RSRC1: variants seen among roughly 807,000 people sequenced by gnomAD.
The protein encoded by RSRC1 is arginine and serine rich coiled-coil 1, also known as serine/Arginine-related protein 53.
A neutral mutation model predicts 49.1 loss-of-function variants in RSRC1; 39 were observed. The observed-to-expected ratio is 0.79, with a 90% CI of 0.61 to 1.04. RSRC1 has a LOEUF of 1.04. Ranked by LOEUF, RSRC1 falls within the 50% of genes least tolerant of loss-of-function variation. RSRC1 has a pLI of 0.00. For synonymous variants in RSRC1, 143 were observed against 130.8 expected, an observed-to-expected ratio of 1.09 and a Z score of -0.63; for missense variants, 388 against 402.4, an observed-to-expected ratio of 0.96 and a Z score of 0.31.
At chr3:158,478,813 A>G (rs760352717) in intron 7 of RSRC1, among the ~76,000 whole-genome samples, 4 of 151,986 alleles carry the variant, frequency 2.6e-5, no homozygotes, top group Admixed American at 1.3e-4. Flanking sequence ...TCTTTTCAAT[A>G]TATTTGAAGT....
intron 4 of RSRC1, among the ~76,000 whole-genome samples, chr3:158,278,952 T>C (rs1725975122): frequency 6.6e-6 from 1 of 152,188 alleles, no homozygotes; most frequent in Non-Finnish European, 1.5e-5. Flanking sequence ...AATCAACATA[T>C]ATGCTATTTT....
intron 6 of RSRC1, among the ~76,000 whole-genome samples, chr3:158,425,590 C>T (rs1399785599): frequency 6.6e-6 from 1 of 151,870 alleles, no homozygotes; most frequent in Non-Finnish European, 1.5e-5. Flanking sequence ...CTGTAGATGT[C>T]TATTAGGTCC....
chr3:158,420,788 CTT>C (rs1216096658), intron 6 of RSRC1, among the ~76,000 whole-genome samples: 6 of 151,770 alleles, frequency 4.0e-5, no homozygotes, highest in African/African-American at 1.2e-4. Context: ...CTAAAACAAA[CTT>C]TATTGGTAAT....
intron 4 of RSRC1, among the ~76,000 whole-genome samples, chr3:158,239,057 A>G (rs1057096056): frequency 6.6e-6 from 1 of 152,238 alleles, no homozygotes; most frequent in Non-Finnish European, 1.5e-5. Flanking sequence ...AAAGGATATG[A>G]ACAGACACTT....
intron 6 of RSRC1, among the ~76,000 whole-genome samples, chr3:158,399,996 A>G (rs1473151889): frequency 6.6e-6 from 1 of 152,198 alleles, no homozygotes; most frequent in Non-Finnish European, 1.5e-5. Context: ...TTAATTTACT[A>G]ATTGTAACCT....
At chr3:158,283,334 G>T (rs1458542415) in intron 4 of RSRC1, among the ~76,000 whole-genome samples, 2 of 150,896 alleles carry the variant, frequency 1.3e-5, no homozygotes, top group Non-Finnish European at 3.0e-5. Context: ...TTTTTTTCAT[G>T]GAAGACACTT....
chr3:158,315,055 C>T (rs1559988915), intron 5 of RSRC1, among the ~76,000 whole-genome samples: 2 of 151,524 alleles, frequency 1.3e-5, no homozygotes, highest in Admixed American at 6.6e-5. Flanking sequence ...ATTATGTTTG[C>T]TCCTCATTGC....
At chr3:158,478,947 G>GAA (rs1491197957) in intron 7 of RSRC1, among the ~76,000 whole-genome samples, 9 of 44,772 alleles carry the variant, frequency 2.0e-4, no homozygotes, top group African/African-American at 6.9e-4. Flanking sequence ...AGGAGAAAAA[G>GAA]CAAAAAAAAA....
chr3:158,401,054 G>A (rs1408368729), intron 6 of RSRC1, among the ~76,000 whole-genome samples: 1 of 151,904 alleles, frequency 6.6e-6, no homozygotes, highest in Non-Finnish European at 1.5e-5. Flanking sequence ...TAGTATTCAG[G>A]TACAGTAACA....
chr3:158,520,941 C>T (rs1228484610), intron 7 of RSRC1, among the ~76,000 whole-genome samples: 1 of 152,104 alleles, frequency 6.6e-6, no homozygotes, highest in Admixed American at 6.6e-5. Flanking sequence ...TCTAACATAA[C>T]TAGAATTCCC....
At position 158,437,988 on chromosome 3, in the gene RSRC1, A is replaced by G. The variant is rs149636754; in HGVS notation, c.584-22947A>G. Among the ~76,000 whole-genome samples the G allele has an allele frequency of 7.9e-5, 12 of 152,338 alleles. No individual in the cohort carries two copies. The East Asian group carries it at 1.2e-3, about 15-fold the overall frequency. ...AGCAAAGTCTCAGGATACAAAATCA[A>G]TGTGCGAAAATCACAAGCATTCCTA... is the stretch of plus-strand genomic sequence containing the variant. On this transcript the variant is annotated intron_variant, in intron 6 of 9. Transcript: ENST00000611884.
At chr3:158,248,838 TC>T (rs1262150936) in intron 4 of RSRC1, among the ~76,000 whole-genome samples, 3 of 152,096 alleles carry the variant, frequency 2.0e-5, no homozygotes, top group African/African-American at 7.2e-5. Flanking sequence ...CCTCAAGTGA[TC>T]CGCCTGCCCA....
intron 5 of RSRC1, among the ~76,000 whole-genome samples, chr3:158,308,610 T>C (rs923460807): frequency 1.3e-5 from 2 of 151,908 alleles, no homozygotes; most frequent in East Asian, 1.9e-4. Context: ...AAAGAAATAT[T>C]GCATTAATTT....
intron 3 of RSRC1, among the ~76,000 whole-genome samples, chr3:158,140,427 A>G (rs150538410): frequency 6.6e-6 from 1 of 152,324 alleles, no homozygotes; most frequent in East Asian, 1.9e-4. Context: ...GCTAATGGCC[A>G]CTATTACCAT....
At chr3:158,470,772 T>C (rs1738102461) in intron 7 of RSRC1, among the ~76,000 whole-genome samples, 1 of 152,164 alleles carries the variant, frequency 6.6e-6, no homozygotes, top group East Asian at 1.9e-4. Flanking sequence ...TAAACTATTA[T>C]AATTCAAGAT....
intron 4 of RSRC1, among the ~76,000 whole-genome samples, chr3:158,214,016 A>C (rs1212470262): frequency 1.3e-5 from 2 of 149,676 alleles, no homozygotes; most frequent in Non-Finnish European, 3.0e-5. Flanking sequence ...TTTGTGGGAA[A>C]AAACAATAAA....
chr3:158,446,615 T>G (rs1370207149), intron 6 of RSRC1, among the ~76,000 whole-genome samples: 1 of 152,094 alleles, frequency 6.6e-6, no homozygotes, highest in Admixed American at 6.6e-5. Context: ...ATAATTATTT[T>G]CATGATCTTC....
At chr3:158,118,859 A>G (rs1235696812) in intron 1 of RSRC1, among the ~76,000 whole-genome samples, 2 of 152,278 alleles carry the variant, frequency 1.3e-5, no homozygotes, top group East Asian at 3.9e-4. Context: ...TTTGGGGGGA[A>G]CCCTCAAATG....
chr3:158,224,239 A>C (rs1021482619), intron 4 of RSRC1, among the ~76,000 whole-genome samples: 2 of 151,826 alleles, frequency 1.3e-5, no homozygotes, highest in Admixed American at 1.3e-4. Flanking sequence ...CTTAAGATAA[A>C]ATTTTGATTT....
Sources: allele counts gnomAD v4.1 joint callset (sites outside exome capture counted in the v4.1 genomes callset), GRCh38; gene constraint gnomAD v4.1.1; transcripts MANE v1.5; gene names NCBI Gene and HGNC (gene_info 2026-07-23, HGNC 2026-07-21).